The following TANC1 variants were observed in gnomAD, a reference collection of about 807,000 sequenced individuals.
TANC1 encodes tetratricopeptide repeat, ankyrin repeat and coiled-coil containing 1.
Under a neutral mutation model 149.7 loss-of-function variants are expected in TANC1, and 77 were observed. The observed-to-expected ratio is 0.51, with a 90% CI of 0.43 to 0.62. TANC1 has a LOEUF of 0.62. TANC1 is among the 20% of genes least tolerant of loss of function. TANC1 has a pLI of 0.00. For missense variants in TANC1, 1,985 were observed against 2,321.8 expected, an observed-to-expected ratio of 0.85 and a Z score of 2.98; for synonymous variants, 854 against 925.0, an observed-to-expected ratio of 0.92 and a Z score of 1.39.
Position 159,136,002 on chromosome 2 carries a change from T to TTGTGTGTGTGTGTGTG in TANC1, c.260-159_260-144dup, listed in dbSNP as rs754052800. 3.5e-3 allele frequency among the ~76,000 whole-genome samples: 380 copies of TTGTGTGTGTGTGTGTG among 107,812 alleles called. 4 individuals carry two copies. The highest frequency in any genetic ancestry group is 6.2e-3 in the Middle Eastern group (1 of 162). The allele number at this position is 107,812 out of a possible 152,430, so 70.7% of individuals were successfully genotyped here. A position where few individuals can be genotyped will look rare whatever the true frequency, so the allele number is the denominator to read the frequency against. On this transcript the variant is annotated intron_variant, in intron 4 of 26. Coordinates refer to ENST00000263635, the MANE Select transcript of TANC1 (RefSeq NM_033394.3). Reference sequence around the variant, plus strand: ...ACGTTCCCTCGTCTGTACTGAAATTTTGTGTGTGTGTGTGTGTGTGTGTGT... The same window carrying TTGTGTGTGTGTGTGTG: ...ACGTTCCCTCGTCTGTACTGAAATTTTGTGTGTGTGTGTGTGTGTGTGTGTGTGTGTGTGTGTGTGT...
At chr2:159,226,735 G>C (rs1368676129) in intron 24 of TANC1, 1 of 152,098 alleles carries the variant, frequency 6.6e-6, no homozygotes, top group East Asian at 1.9e-4. Flanking sequence ...TTTTTGTAAA[G>C]GGCCAGACAG....
At chr2:159,086,993 G>T (rs2044946272) in intron 3 of TANC1, among the ~76,000 whole-genome samples, 1 of 151,812 alleles carries the variant, frequency 6.6e-6, no homozygotes, top group Admixed American at 6.6e-5. Context: ...GGGGTGGGTG[G>T]GGGTAAAGAG....
At position 159,176,357 on chromosome 2, in the gene TANC1, A is replaced by C; in HGVS notation, c.1741A>C (p.Lys581Gln). The C allele has an allele frequency of 6.5e-7, 1 of 1,533,580 alleles. No individual in the cohort carries two copies. Among genetic ancestry groups the C allele is most frequent in the Non-Finnish European group, 8.8e-7 (1 of 1,140,378 alleles). 95.0% of individuals were successfully genotyped at this position (1,533,580 alleles called of 1,614,324 possible). A position where few individuals can be genotyped will look rare whatever the true frequency, so the allele number is the denominator to read the frequency against. The change falls in exon 13 of 27, where the codon AAA (lysine) becomes CAA (glutamine). Residue 581 changes from lysine to glutamine, a missense_variant. Physicochemically the swap from Lys to Gln is moderately conservative, Grantham distance 53 (BLOSUM62 1). This residue lies in a region of TANC1 where 508 missense variants were observed against 714.2 expected (regional missense o/e 0.71). Coordinates refer to ENST00000263635, the MANE Select transcript of TANC1 (RefSeq NM_033394.3). ...AAAATTATTTTATCCTGTAGAGCAG[A>C]AAATTCCTGAAGAAGAATACATTAT... ...EPLTNLRNEQ[K>Q]IPEEEYIILI...
chr2:158,993,979 A>G (rs560232273), intron 1 of TANC1, among the ~76,000 whole-genome samples: 1 of 152,328 alleles, frequency 6.6e-6, no homozygotes, highest in South Asian at 2.1e-4. Flanking sequence ...TAAAAATTTA[A>G]ATCATTTTAA....
chr2:159,020,959 G>A (rs2038783165), intron 2 of TANC1, among the ~76,000 whole-genome samples: 1 of 151,948 alleles, frequency 6.6e-6, no homozygotes, highest in South Asian at 2.1e-4. Context: ...TCTGTGGAAA[G>A]GTAGGGTTAA....
chr2:159,074,653 C>T (rs1210957739), intron 3 of TANC1, among the ~76,000 whole-genome samples: 1 of 152,178 alleles, frequency 6.6e-6, no homozygotes, highest in Non-Finnish European at 1.5e-5. Flanking sequence ...ATCTAGAAAG[C>T]TTCTTTCCAA....
chr2:159,138,589 A>G (rs1261672638), intron 5 of TANC1, among the ~76,000 whole-genome samples: 1 of 152,242 alleles, frequency 6.6e-6, no homozygotes, highest in Non-Finnish European at 1.5e-5. Context: ...GTACAGATAC[A>G]TGATGGGCAA....
At chr2:159,127,265 A>G (rs2049550516) in intron 4 of TANC1, among the ~76,000 whole-genome samples, 1 of 152,266 alleles carries the variant, frequency 6.6e-6, no homozygotes, top group South Asian at 2.1e-4. Flanking sequence ...ACAATGAGAT[A>G]CCATCTCATG....
At chr2:159,165,293 T>C (rs2054476316) in intron 8 of TANC1, among the ~76,000 whole-genome samples, 1 of 152,246 alleles carries the variant, frequency 6.6e-6, no homozygotes, top group South Asian at 2.1e-4. Context: ...TGATTTCTGC[T>C]GTGCGCATTC....
intron 6 of TANC1, 132 bp downstream of exon 6, chr2:159,149,404 A>T: frequency 7.4e-7 from 1 of 1,352,876 alleles, no homozygotes; most frequent in Non-Finnish European, 1.0e-6. Context: ...GTGTATTGAA[A>T]TTTATTTCAA....
At chr2:159,137,584 A>G (rs2050896072) in intron 5 of TANC1, among the ~76,000 whole-genome samples, 1 of 152,162 alleles carries the variant, frequency 6.6e-6, no homozygotes, top group African/African-American at 2.4e-5. Context: ...TCTGGTTAGG[A>G]TAGCCAACTG....
At chr2:159,036,282 G>C (rs753180084) in intron 2 of TANC1, among the ~76,000 whole-genome samples, 2 of 152,186 alleles carry the variant, frequency 1.3e-5, no homozygotes, top group Non-Finnish European at 2.9e-5. Context: ...TCAACCTTAT[G>C]TAGGAAAAAC....
chr2:159,065,779 A>G (rs2042603004), intron 2 of TANC1, 117 bp from the exon 3 acceptor site: 1 of 689,206 alleles, frequency 1.5e-6, no homozygotes, highest in African/African-American at 1.8e-5. Context: ...GGCTTAGGGT[A>G]CCTTAATATT....
rs1416853183 is a variant in TANC1 at position 159,103,058 on chromosome 2, G to A, written c.259+5224G>A. On this transcript the variant is annotated intron_variant, in intron 4 of 26. Transcript: ENST00000263635. Reference sequence around the variant, plus strand: ...AAAAAAATTTTTAGCATGTTATAATGTTTTCGCTATTCCTGGTGTGAATAT... The same window carrying A: ...AAAAAAATTTTTAGCATGTTATAATATTTTCGCTATTCCTGGTGTGAATAT... 3.1e-5 allele frequency among the ~76,000 whole-genome samples: 3 copies of A among 95,372 alleles called. 1 individual carries two copies. The highest frequency in any genetic ancestry group is 8.7e-5 in the Non-Finnish European group (3 of 34,332). The allele number at this position is 95,372 out of a possible 152,430, so 62.6% of individuals were successfully genotyped here. A position where few individuals can be genotyped will look rare whatever the true frequency, so the allele number is the denominator to read the frequency against.
intron 4 of TANC1, among the ~76,000 whole-genome samples, chr2:159,133,502 A>G (rs2050322214): frequency 6.6e-6 from 1 of 151,714 alleles, no homozygotes; most frequent in Admixed American, 6.6e-5. Context: ...CTACAGGCAA[A>G]CGCCACCACA....
chr2:159,006,508 C>T (rs982396427), intron 2 of TANC1, among the ~76,000 whole-genome samples: 1 of 152,052 alleles, frequency 6.6e-6, no homozygotes, highest in Non-Finnish European at 1.5e-5. Flanking sequence ...ATACTTTTTG[C>T]TCATACCTGC....
chr2:159,212,988 G>C (rs1415800252), intron 19 of TANC1, among the ~76,000 whole-genome samples: 4 of 152,006 alleles, frequency 2.6e-5, no homozygotes, highest in Non-Finnish European at 5.9e-5. Flanking sequence ...CAGTTATGGG[G>C]AGGTACCCAA....
At chr2:159,092,868 A>G (rs1385691598) in intron 3 of TANC1, among the ~76,000 whole-genome samples, 1 of 152,154 alleles carries the variant, frequency 6.6e-6, no homozygotes, top group African/African-American at 2.4e-5. Context: ...GGGGATCTCT[A>G]TCTTTTTCCC....
At chr2:159,052,249 A>G (rs925103761) in intron 2 of TANC1, among the ~76,000 whole-genome samples, 5 of 152,130 alleles carry the variant, frequency 3.3e-5, no homozygotes, top group Non-Finnish European at 5.9e-5. Flanking sequence ...TGTCACAGTA[A>G]ATATCTAGAG....
Sources: gnomAD v4.1 joint callset for allele counts (sites outside exome capture counted in the v4.1 genomes callset) on GRCh38, gnomAD v4.1.1 for gene constraint, gnomAD v4.1.1 regional missense constraint, MANE v1.5 for transcripts, NCBI Gene and HGNC (gene_info 2026-07-23, HGNC 2026-07-21) for gene names.